Variants in ADCY2 observed in about 807,000 individuals in gnomAD.
ADCY2 encodes adenylate cyclase 2.
A neutral mutation model predicts 125.2 loss-of-function variants in ADCY2; 31 were observed. The ratio of observed to expected loss-of-function variants is 0.25; its 90% CI spans 0.19 to 0.33. The LOEUF is 0.33. Ranked by LOEUF, ADCY2 falls within the 10% of genes least tolerant of loss-of-function variation. The probability of loss-of-function intolerance (pLI) is 1.00; values close to 1 mark genes in which losing one functional copy is unlikely to be tolerated. For missense variants in ADCY2, 904 were observed against 1,418.2 expected, an observed-to-expected ratio of 0.64 and a Z score of 5.82; for synonymous variants, 512 against 548.4, an observed-to-expected ratio of 0.93 and a Z score of 0.93.
At chr5:7,741,652 CTCATTATCATCA>C (rs1742417722) in intron 14 of ADCY2, among the ~76,000 whole-genome samples, 3 of 72,634 alleles carry the variant, frequency 4.1e-5, no homozygotes, top group African/African-American at 1.1e-4. Context: ...CATCACCATC[CTCATTATCATCA>C]TCATCATCAT....
intron 15 of ADCY2, among the ~76,000 whole-genome samples, chr5:7,755,260 T>C (rs1344254376): frequency 6.6e-6 from 1 of 152,178 alleles, no homozygotes; most frequent in Non-Finnish European, 1.5e-5. Flanking sequence ...TCAAGCTCCC[T>C]GGTAGGTACT....
intron 3 of ADCY2, chr5:7,522,339 T>G (rs1485831347): frequency 6.6e-6 from 1 of 151,988 alleles, no homozygotes; most frequent in Non-Finnish European, 1.5e-5. Context: ...CTTTTCCCCA[T>G]TTTCCCCAAC....
intron 3 of ADCY2, among the ~76,000 whole-genome samples, chr5:7,561,684 G>A (rs940675560): frequency 1.3e-5 from 2 of 152,166 alleles, no homozygotes; most frequent in East Asian, 3.8e-4. Flanking sequence ...TAACATAATG[G>A]AGAATGCCTG....
intron 3 of ADCY2, among the ~76,000 whole-genome samples, chr5:7,532,187 G>A (rs926372183): frequency 3.3e-5 from 5 of 152,296 alleles, no homozygotes; most frequent in East Asian, 3.9e-4. Context: ...TGTTCTTGCC[G>A]GACGATTGCA....
intron 2 of ADCY2, among the ~76,000 whole-genome samples, chr5:7,513,100 CACACACAG>C (rs1200669680): frequency 2.7e-5 from 4 of 146,112 alleles, no homozygotes; most frequent in Non-Finnish European, 4.6e-5. Context: ...CACACACACA[CACACACAG>C]AGAGAGAGAG....
chr5:7,639,526 G>T (rs1738621987), intron 4 of ADCY2, among the ~76,000 whole-genome samples: 1 of 151,824 alleles, frequency 6.6e-6, no homozygotes, highest in African/African-American at 2.4e-5. Context: ...CCAATACTTT[G>T]TACTCCTGAT....
chr5:7,671,378 A>C (rs1463450615), intron 4 of ADCY2, among the ~76,000 whole-genome samples: 1 of 152,232 alleles, frequency 6.6e-6, no homozygotes, highest in Non-Finnish European at 1.5e-5. Context: ...TCAGTAAAAA[A>C]ACAAACATAT....
chr5:7,638,606 C>T (rs1738585742), intron 4 of ADCY2, among the ~76,000 whole-genome samples: 1 of 152,238 alleles, frequency 6.6e-6, no homozygotes, highest in Non-Finnish European at 1.5e-5. Context: ...TTGCAGAAGT[C>T]TTAGCACAGA....
At position 7,396,236 on chromosome 5, in the gene ADCY2, CCGCGGCGAGCGGCGCTGCCCGGGCCGGG is replaced by C. The variant is rs1400084430; in HGVS notation, c.-56_-29del. On this transcript the variant is annotated 5_prime_UTR_variant, in exon 1 of 25. Transcript: ENST00000338316. The surrounding 1 kb of genome is among the most constrained non-coding windows in gnomAD (Gnocchi z 5.7). ...CGGCGCGGGGGTGGGACGCGGGCGG[CCGCGGCGAGCGGCGCTGCCCGGGCCGGG>C]CGCGCACGGCGGGCGCCCTGTGAGC... is the stretch of plus-strand genomic sequence containing the variant. 11 of 931,460 alleles carry C rather than the reference CCGCGGCGAGCGGCGCTGCCCGGGCCGGG, an allele frequency of 1.2e-5. No individual in the cohort carries two copies. The highest frequency in any genetic ancestry group is 2.4e-4 in the East Asian group (2 of 8,350). 57.7% of individuals were successfully genotyped at this position (931,460 alleles called of 1,614,324 possible).
intron 3 of ADCY2, among the ~76,000 whole-genome samples, chr5:7,617,533 C>A (rs987407336): frequency 6.6e-6 from 1 of 152,010 alleles, no homozygotes; most frequent in Non-Finnish European, 1.5e-5. Context: ...TTAGCAAAGC[C>A]CACTCCTTTT....
At chr5:7,636,105 G>C (rs985629284) in intron 4 of ADCY2, among the ~76,000 whole-genome samples, 1 of 152,208 alleles carries the variant, frequency 6.6e-6, no homozygotes, top group African/African-American at 2.4e-5. Flanking sequence ...CTCTCCCAGA[G>C]AGCCCTGACC....
Position 7,501,646 on chromosome 5 carries a change from TCC to T in ADCY2, c.409-19081_409-19080del, listed in dbSNP as rs60705318. On this transcript the variant is annotated intron_variant, in intron 2 of 24. Coordinates refer to ENST00000338316, the MANE Select transcript of ADCY2 (RefSeq NM_020546.3). ...ATCAAAAAAGAATGAGATTCCCCCC[TCC>T]CCCCCCCCCCGCCAGTAACTTCAAG... 1.6e-3 allele frequency among the ~76,000 whole-genome samples: 65 copies of T among 40,544 alleles called. 9 individuals are homozygous for T. Among genetic ancestry groups the T allele is most frequent in the African/African-American group, 5.0e-3 (51 of 10,164 alleles). The allele number at this position is 40,544 out of a possible 152,430, so 26.6% of individuals were successfully genotyped here. A position where few individuals can be genotyped will look rare whatever the true frequency, so the allele number is the denominator to read the frequency against.
In ADCY2 at chr5:7,513,078, G is replaced by GACACACACACACACACACAC. The variant is rs142515106; in HGVS notation, c.409-7650_409-7631dup. ...GAGGGAGAATATGTGGAAAATACAT[G>GACACACACACACACACACAC]ACACACACACACACACACACACACA... On this transcript the variant is annotated intron_variant, in intron 2 of 24. Coordinates refer to ENST00000338316, the MANE Select transcript of ADCY2 (RefSeq NM_020546.3). Among the ~76,000 whole-genome samples, 185 of 124,044 alleles carry GACACACACACACACACACAC rather than the reference G, an allele frequency of 1.5e-3. 2 individuals are homozygous for GACACACACACACACACACAC. Among genetic ancestry groups the GACACACACACACACACACAC allele is most frequent in the African/African-American group, 3.0e-3 (100 of 33,360 alleles). The allele number at this position is 124,044 out of a possible 152,430, so 81.4% of individuals were successfully genotyped here.
chr5:7,630,694 G>T (rs1738283612), intron 4 of ADCY2, among the ~76,000 whole-genome samples: 1 of 151,790 alleles, frequency 6.6e-6, no homozygotes, highest in African/African-American at 2.4e-5. Flanking sequence ...AAGGCTGCTT[G>T]CATTCTTTGG....
intron 4 of ADCY2, among the ~76,000 whole-genome samples, chr5:7,671,277 A>C (rs764249514): frequency 3.3e-5 from 5 of 152,228 alleles, no homozygotes; most frequent in Non-Finnish European, 5.9e-5. Context: ...AAAAAAGTTA[A>C]GGTATTTCCC....
chr5:7,543,418 C>A (rs180834321), intron 3 of ADCY2, among the ~76,000 whole-genome samples: 33 of 151,862 alleles, frequency 2.2e-4, no homozygotes, highest in African/African-American at 7.7e-4. Context: ...AAAAATAAAT[C>A]TTCTTATTTG....
chr5:7,641,139 C>T (rs972250836), intron 4 of ADCY2, among the ~76,000 whole-genome samples: 2 of 152,140 alleles, frequency 1.3e-5, no homozygotes, highest in Admixed American at 6.5e-5. Flanking sequence ...ACCCCTCTTT[C>T]AAGGATGTGG....
intron 4 of ADCY2, among the ~76,000 whole-genome samples, chr5:7,668,075 A>G (rs1291298876): frequency 6.6e-6 from 1 of 152,228 alleles, no homozygotes; most frequent in East Asian, 1.9e-4. Flanking sequence ...TTTTTCTACA[A>G]AGTATGTGCT....
intron 4 of ADCY2, among the ~76,000 whole-genome samples, chr5:7,688,810 C>T (rs1740616479): frequency 1.3e-5 from 2 of 152,158 alleles, no homozygotes; most frequent in Admixed American, 1.3e-4. Context: ...TAGCAGAACT[C>T]AATCCCTAAA....
Sources: allele counts gnomAD v4.1 joint callset (sites outside exome capture counted in the v4.1 genomes callset), GRCh38; gene constraint gnomAD v4.1.1; non-coding constraint Gnocchi (gnomAD v3.1); transcripts MANE v1.5; gene names NCBI Gene and HGNC (gene_info 2026-07-23, HGNC 2026-07-21).